NAA38: variants seen among roughly 807,000 people sequenced by gnomAD.
The protein encoded by NAA38 is N-alpha-acetyltransferase 38, NatC auxiliary subunit.
NAA38 carries 15 observed loss-of-function variants against 12.6 expected under a neutral mutation model. The observed-to-expected ratio is 1.19, with a 90% confidence interval of 0.79 to 1.83. The LOEUF is 1.83. NAA38 is among the 40% of genes most tolerant of loss of function. The probability of loss-of-function intolerance (pLI) is 0.00; values close to 1 mark genes in which losing one functional copy is unlikely to be tolerated. For missense variants in NAA38, 183 were observed against 171.7 expected, an observed-to-expected ratio of 1.07 and a Z score of -0.37; for synonymous variants, 88 against 69.9, an observed-to-expected ratio of 1.26 and a Z score of -1.29.
chr17:7,864,832 C>G (rs1966935426), intron 3 of NAA38: 1 of 151,198 alleles, frequency 6.6e-6, no homozygotes, highest in South Asian at 2.1e-4. Flanking sequence ...GAGGCGGAGG[C>G]TGCAGTGAGC....
At chr17:7,884,811 C>CA in intron 1 of NAA38, 1 of 749,700 alleles carries the variant, frequency 1.3e-6, no homozygotes, top group South Asian at 2.4e-5. Flanking sequence ...CACAGGATGG[C>CA]TTCCCCTCTG....
chr17:7,856,901 A>G, intron 2 of NAA38, 58 bp from the exon 3 acceptor site: 1 of 1,596,068 alleles, frequency 6.3e-7, no homozygotes, highest in Non-Finnish European at 8.6e-7. Flanking sequence ...CGCCCCTCTG[A>G]GCCACGAAAA....
intron 2 of NAA38, among the ~76,000 whole-genome samples, chr17:7,872,421 G>A (rs901642030): frequency 5.3e-5 from 8 of 152,226 alleles, no homozygotes; most frequent in Admixed American, 1.3e-4. Flanking sequence ...CCAGGCTGGA[G>A]TGCAGTGGCA....
chr17:7,883,852 C>A (rs1347110045), intron 1 of NAA38, among the ~76,000 whole-genome samples: 1 of 151,076 alleles, frequency 6.6e-6, no homozygotes, highest in Non-Finnish European at 1.5e-5. Context: ...AAAAGCTTTT[C>A]TTTAGAGAAG....
At chr17:7,885,015 G>A (rs1308714020) in intron 1 of NAA38, 4 of 1,228,694 alleles carry the variant, frequency 3.3e-6, no homozygotes, top group Non-Finnish European at 4.1e-6. Flanking sequence ...CCCCCCGGCT[G>A]CCACCTCTTC....
intron 2 of NAA38, among the ~76,000 whole-genome samples, chr17:7,875,500 A>G (rs1385333693): frequency 1.3e-5 from 2 of 152,052 alleles, no homozygotes; most frequent in Non-Finnish European, 2.9e-5. Context: ...ATGCCTGGCT[A>G]ATTTTTAAAC....
At position 7,857,147 on chromosome 17, in the gene NAA38, G is replaced by A; in HGVS notation, c.133C>T (p.Leu45=). ...ATAGTCTTGTTGAGCAGCGCCTCTA[G>A]CTGCTGTCGGGCGCGCTCAGCCGCC... ...DSAAERARQQ[L]EALLNKTMRI... is the part of the protein sequence containing the mutation. The change falls in exon 2 of 3, where the codon CTA becomes TTA. Residue 45 remains leucine, a synonymous_variant. Coordinates refer to ENST00000575771, the MANE Select transcript of NAA38 (RefSeq NM_001320925.4). 2 of 1,613,100 alleles carry A rather than the reference G, an allele frequency of 1.2e-6. No homozygotes were observed. The highest frequency in any genetic ancestry group is 8.5e-7 in the Non-Finnish European group (1 of 1,180,036).
chr17:7,867,067 AG>A (rs1030793116), intron 2 of NAA38, among the ~76,000 whole-genome samples: 10 of 152,314 alleles, frequency 6.6e-5, no homozygotes, highest in African/African-American at 2.2e-4. Context: ...GACAAGGGAT[AG>A]GTGGAGGAGA....
At chr17:7,876,610 C>A (rs1346595922) in intron 2 of NAA38, among the ~76,000 whole-genome samples, 1 of 152,028 alleles carries the variant, frequency 6.6e-6, no homozygotes, top group Non-Finnish European at 1.5e-5. Context: ...TACTTGCTTC[C>A]CCCCTCCCAA....
At chr17:7,875,671 A>G (rs958775565) in intron 2 of NAA38, among the ~76,000 whole-genome samples, 1 of 152,176 alleles carries the variant, frequency 6.6e-6, no homozygotes, top group Non-Finnish European at 1.5e-5. Flanking sequence ...TAGAATTAAT[A>G]TACCTTATTC....
At chr17:7,859,571 G>A (rs780392038), upstream of NAA38, 7 of 1,614,170 alleles carry the variant, frequency 4.3e-6, no homozygotes. Context: ...TCACACACCT[G>A]CAATACTTCT....
chr17:7,870,510 A>G (rs1371461183), intron 2 of NAA38, among the ~76,000 whole-genome samples: 37 of 152,324 alleles, frequency 2.4e-4, no homozygotes, highest in Non-Finnish European at 1.5e-5. Context: ...ATATTGCAGT[A>G]TTTGGGTTCT....
upstream of NAA38, chr17:7,857,919 A>C: frequency 1.4e-6 from 2 of 1,421,120 alleles, no homozygotes; most frequent in South Asian, 3.0e-5. Context: ...CCCACGCGGG[A>C]CTCATACTAC....
chr17:7,868,607 T>G (rs965309210), intron 2 of NAA38, among the ~76,000 whole-genome samples: 3 of 152,200 alleles, frequency 2.0e-5, no homozygotes, highest in African/African-American at 7.2e-5. Context: ...CCTTATAGTG[T>G]TGTTGAGAAG....
At chr17:7,857,989 G>A (rs1332320740), upstream of NAA38, 6 of 1,500,438 alleles carry the variant, frequency 4.0e-6, no homozygotes, top group Non-Finnish European at 4.4e-6. Context: ...AGTGGACGGT[G>A]GCCGGAAAAG....
At chr17:7,867,190 C>T (rs1427378142) in intron 2 of NAA38, among the ~76,000 whole-genome samples, 1 of 150,752 alleles carries the variant, frequency 6.6e-6, no homozygotes, top group Non-Finnish European at 1.5e-5. Context: ...AAGCGGGAGG[C>T]GGGGGAGGGA....
At chr17:7,856,970 G>C in intron 2 of NAA38, 45 bp downstream of exon 2, 1 of 1,589,610 alleles carries the variant, frequency 6.3e-7, no homozygotes, top group East Asian at 2.2e-5. Flanking sequence ...CTTGCGTAAG[G>C]TTCCGCCACA....
At chr17:7,885,182 G>A (rs1354086984) in exon 1 of NAA38, 1 of 977,244 alleles carries the variant, frequency 1.0e-6, no homozygotes, top group Non-Finnish European at 1.2e-6. Context: ...CCGAGCCGAG[G>A]CGAATCCGGA....
At chr17:7,885,061 G>GCCGCCGCCGCCC (rs1437330745) in intron 1 of NAA38, 1 of 954,236 alleles carries the variant, frequency 1.0e-6, no homozygotes, top group Non-Finnish European at 1.2e-6. Context: ...CGCTGCCCCC[G>GCCGCCGCCGCCC]CCGCCGCCGC....
Sources: gnomAD v4.1 joint callset for allele counts (sites outside exome capture counted in the v4.1 genomes callset) on GRCh38, gnomAD v4.1.1 for gene constraint, MANE v1.5 for transcripts, NCBI Gene and HGNC (gene_info 2026-07-23, HGNC 2026-07-21) for gene names.